The following WWOX variants were observed in gnomAD, a reference collection of about 807,000 sequenced individuals.
The protein encoded by WWOX is WW domain-containing oxidoreductase.
A neutral mutation model predicts 46.2 loss-of-function variants in WWOX; 69 were observed. That is an observed-to-expected ratio of 1.49 (90% confidence interval 1.23 to 1.82). WWOX has a LOEUF of 1.82. Among genes scored for constraint, WWOX ranks in the 40% most tolerant of loss-of-function variants. The pLI, the probability that WWOX is intolerant of heterozygous loss-of-function variation, is 0.00. For missense variants in WWOX, 919 were observed against 542.6 expected, an observed-to-expected ratio of 1.69 and a Z score of -6.89; for synonymous variants, 359 against 202.6, an observed-to-expected ratio of 1.77 and a Z score of -6.56.
intron 8 of WWOX, among the ~76,000 whole-genome samples, chr16:79,010,845 G>T (rs2047289424): frequency 6.6e-6 from 1 of 151,938 alleles, no homozygotes; most frequent in African/African-American, 2.4e-5. Flanking sequence ...CAGTCTGGTG[G>T]CCTGTGTGGT....
chr16:78,575,132 C>G (rs1224053230), intron 8 of WWOX, among the ~76,000 whole-genome samples: 1 of 104,626 alleles, frequency 9.6e-6, no homozygotes, highest in East Asian at 3.0e-4. Context: ...AGTTAAAATA[C>G]GAAGATTTTT....
At chr16:78,575,047 ATATAT>A (rs2044833047) in intron 8 of WWOX, among the ~76,000 whole-genome samples, 4 of 8,726 alleles carry the variant, frequency 4.6e-4, no homozygotes, top group Non-Finnish European at 6.7e-4. Context: ...ATATATATAT[ATATAT>A]ATATATATAT....
intron 8 of WWOX, among the ~76,000 whole-genome samples, chr16:78,806,751 C>G (rs1158281303): frequency 6.6e-6 from 1 of 152,048 alleles, no homozygotes; most frequent in Non-Finnish European, 1.5e-5. Flanking sequence ...GCTGTCAGAC[C>G]CACCCCAACC....
intron 8 of WWOX, among the ~76,000 whole-genome samples, chr16:78,869,950 A>C (rs78594904): frequency 0.018 from 2,810 of 152,244 alleles, 84 homozygotes; most frequent in African/African-American, 0.064. Flanking sequence ...TTGGGAGTCT[A>C]TGTTTATGTG....
At chr16:78,365,800 C>T (rs1004870023) in intron 5 of WWOX, among the ~76,000 whole-genome samples, 1 of 152,140 alleles carries the variant, frequency 6.6e-6, no homozygotes, top group Non-Finnish European at 1.5e-5. Flanking sequence ...TGGCTCCCCC[C>T]ACCAAATTTC....
At chr16:78,979,768 A>G (rs1366805773) in intron 8 of WWOX, among the ~76,000 whole-genome samples, 1 of 152,178 alleles carries the variant, frequency 6.6e-6, no homozygotes, top group African/African-American at 2.4e-5. Context: ...CAGCTTGGAA[A>G]GCAGCAGGAA....
At chr16:78,885,568 C>G (rs570158425) in intron 8 of WWOX, among the ~76,000 whole-genome samples, 2 of 152,116 alleles carry the variant, frequency 1.3e-5, no homozygotes, top group Non-Finnish European at 2.9e-5. Flanking sequence ...ATGTGATTTC[C>G]AACATAGAGT....
chr16:78,993,468 T>A (rs1386010616), intron 8 of WWOX, among the ~76,000 whole-genome samples: 1 of 152,118 alleles, frequency 6.6e-6, no homozygotes, highest in Admixed American at 6.5e-5. Flanking sequence ...TAATTATAGT[T>A]AAGCAGGGCT....
intron 5 of WWOX, among the ~76,000 whole-genome samples, chr16:78,187,915 T>G (rs891425662): frequency 6.6e-6 from 1 of 152,176 alleles, no homozygotes; most frequent in Non-Finnish European, 1.5e-5. Context: ...AACAGGTGTT[T>G]CCCAGGCATT....
At chr16:78,479,841 C>T (rs990301870) in intron 8 of WWOX, among the ~76,000 whole-genome samples, 1 of 152,172 alleles carries the variant, frequency 6.6e-6, no homozygotes, top group Non-Finnish European at 1.5e-5. Context: ...GAGGCTGGCA[C>T]CAAGTAGAGG....
intron 8 of WWOX, among the ~76,000 whole-genome samples, chr16:78,702,675 A>G (rs1597464972): frequency 2.6e-5 from 4 of 151,968 alleles, no homozygotes; most frequent in Admixed American, 2.6e-4. Flanking sequence ...ACAAAAAAAA[A>G]AAAAGAAATG....
At chr16:78,424,005 C>T (rs58579880) in intron 6 of WWOX, among the ~76,000 whole-genome samples, 3,732 of 151,876 alleles carry the variant, frequency 0.025, 113 homozygotes, top group East Asian at 0.1. Context: ...TTACACAGAG[C>T]GATTACCCCC....
chr16:78,489,705 C>A (rs2084732308), intron 8 of WWOX, among the ~76,000 whole-genome samples: 1 of 152,136 alleles, frequency 6.6e-6, no homozygotes. Flanking sequence ...GAGCTGGGCC[C>A]TGGCATGATG....
intron 8 of WWOX, among the ~76,000 whole-genome samples, chr16:78,986,066 C>T (rs1019921392): frequency 6.6e-6 from 1 of 152,180 alleles, no homozygotes; most frequent in Admixed American, 6.5e-5. Flanking sequence ...TCCACGATGG[C>T]ATGGGAGCGT....
intron 8 of WWOX, among the ~76,000 whole-genome samples, chr16:78,731,774 C>T (rs2048974612): frequency 6.6e-6 from 1 of 151,816 alleles, no homozygotes; most frequent in Admixed American, 6.6e-5. Context: ...ATCCACTCTG[C>T]AGTTGTTTTA....
At chr16:78,578,185 C>T (rs1309812496) in intron 8 of WWOX, among the ~76,000 whole-genome samples, 1 of 141,606 alleles carries the variant, frequency 7.1e-6, no homozygotes, top group Non-Finnish European at 1.5e-5. Context: ...AAAATAATCT[C>T]ATACCACTGG....
intron 5 of WWOX, among the ~76,000 whole-genome samples, chr16:78,175,674 T>G (rs1211254257): frequency 6.6e-6 from 1 of 152,182 alleles, no homozygotes; most frequent in East Asian, 1.9e-4. Flanking sequence ...CCTGGCTGAT[T>G]CATGTCATGA....
At chr16:79,075,021 A>G (rs1220063950) in intron 8 of WWOX, among the ~76,000 whole-genome samples, 1 of 152,224 alleles carries the variant, frequency 6.6e-6, no homozygotes, top group Non-Finnish European at 1.5e-5. Context: ...CAGTGACCCC[A>G]AAGACCCCAG....
intron 8 of WWOX, among the ~76,000 whole-genome samples, chr16:79,177,269 C>T (rs2050818647): frequency 6.6e-6 from 1 of 152,170 alleles, no homozygotes; most frequent in African/African-American, 2.4e-5. Context: ...AAGCGACTGT[C>T]ATTTCTACAC....
Sources: gnomAD v4.1 joint callset for allele counts (sites outside exome capture counted in the v4.1 genomes callset) on GRCh38, gnomAD v4.1.1 for gene constraint, MANE v1.5 for transcripts, NCBI Gene and HGNC (gene_info 2026-07-23, HGNC 2026-07-21) for gene names.